FAM107A: variants seen among roughly 807,000 people sequenced by gnomAD.
The protein encoded by FAM107A is family with sequence similarity 107 member A.
FAM107A carries 19 observed loss-of-function variants against 13.7 expected under a neutral mutation model. That is an observed-to-expected ratio of 1.38 (90% confidence interval 0.97 to 2.03). FAM107A has a LOEUF of 2.03. Among genes scored for constraint, FAM107A ranks in the 30% most tolerant of loss-of-function variants. The pLI, the probability that FAM107A is intolerant of heterozygous loss-of-function variation, is 0.00. For missense variants in FAM107A, 203 were observed against 184.4 expected (o/e 1.10, Z -0.58); for synonymous variants, 82 against 74.5 (o/e 1.10, Z -0.52).
At position 58,569,856 on chromosome 3, in the gene FAM107A, T is replaced by C; in HGVS notation, c.5A>G (p.Tyr2Cys). Residue 2 changes from tyrosine to cysteine, a missense_variant, in exon 2 of 4, where the codon TAC (tyrosine) becomes TGC (cysteine). Transcript: ENST00000360997. This position sits in a 1 kb window ranked among gnomAD's most constrained non-coding sequence, Gnocchi z 5.7. ...TGCCCGCTCCCTCTGGATCTCCGAG[T>C]ACATGGCGGCTGTAGAGATGGGCAG... is the stretch of plus-strand genomic sequence containing the variant. Reference protein sequence around the residue: MYSEIQRERADI... With the variant: MCSEIQRERADI... The C allele has an allele frequency of 6.2e-7, 1 of 1,613,824 alleles. No individual in the cohort carries two copies. Among genetic ancestry groups the C allele is most frequent in the Non-Finnish European group, 8.5e-7 (1 of 1,179,916 alleles).
intron 1 of FAM107A, among the ~76,000 whole-genome samples, chr3:58,626,135 G>T (rs894435712): frequency 1.3e-5 from 2 of 152,196 alleles, no homozygotes; most frequent in African/African-American, 4.8e-5. Context: ...GGCAGTACCG[G>T]GTCGTTGTGG....
chr3:58,603,499 G>C (rs1196033175), intron 1 of FAM107A, among the ~76,000 whole-genome samples: 1 of 152,194 alleles, frequency 6.6e-6, no homozygotes, highest in Non-Finnish European at 1.5e-5. Context: ...AGGGAGGAAA[G>C]CAGGATGGAG....
Position 58,569,564 on chromosome 3 carries a change from C to A in FAM107A, c.170+127G>T. ...TTTTGCCGGTGATCATGTGGGGCAC[C>A]TCAGCCTTCCTCAGTCTCCAGGAGC... On this transcript the variant is annotated intron_variant, in intron 2 of 3. Coordinates refer to ENST00000360997, the MANE Select transcript of FAM107A (RefSeq NM_001076778.3). This position sits in a 1 kb window ranked among gnomAD's most constrained non-coding sequence, Gnocchi z 5.7. The A allele has an allele frequency of 1.3e-6, 1 of 784,004 alleles. No homozygotes were observed. Among genetic ancestry groups the A allele is most frequent in the East Asian group, 2.5e-5 (1 of 39,598 alleles). The allele number at this position is 784,004 out of a possible 1,614,324, so 48.6% of individuals were successfully genotyped here. A position where few individuals can be genotyped will look rare whatever the true frequency, so the allele number is the denominator to read the frequency against.
chr3:58,577,721 C>A, upstream of FAM107A: 1 of 985,286 alleles, frequency 1.0e-6, no homozygotes. The surrounding 1 kb of genome is among the most constrained non-coding windows in gnomAD (Gnocchi z 4.9). Flanking sequence ...AGAGTGGATT[C>A]CAGCACTTCC....
chr3:58,591,613 G>A (rs796761029), upstream of FAM107A, among the ~76,000 whole-genome samples: 21 of 152,254 alleles, frequency 1.4e-4, no homozygotes, highest in African/African-American at 4.6e-4. The surrounding 1 kb of genome is among the most constrained non-coding windows in gnomAD (Gnocchi z 4.3). Context: ...GGAAGCTCCC[G>A]CATTCTGCCT....
At position 58,564,776 on chromosome 3, in the gene FAM107A, C is replaced by A. The variant is rs112269600; in HGVS notation, c.*1812G>T. On this transcript the variant is annotated 3_prime_UTR_variant, in exon 4 of 4. Coordinates refer to ENST00000360997, the MANE Select transcript of FAM107A (RefSeq NM_001076778.3). This position sits in a 1 kb window ranked among gnomAD's most constrained non-coding sequence, Gnocchi z 5.6. ...TAGGGATTGTGCATCTTCAGTGTAACCCTCACCTGGCAGACATTAAACAGC... is the reference window on the plus strand; with the variant it reads ...TAGGGATTGTGCATCTTCAGTGTAAACCTCACCTGGCAGACATTAAACAGC... The A allele has an allele frequency of 5.5e-3, 841 of 152,396 alleles. 4 individuals carry two copies. The highest frequency in any genetic ancestry group is 0.014 in the Admixed American group (212 of 15,306). The allele number at this position is 152,396 out of a possible 1,614,324, so 9.4% of individuals were successfully genotyped here.
At chr3:58,614,507 T>C (rs2065882968) in intron 1 of FAM107A, among the ~76,000 whole-genome samples, 1 of 99,990 alleles carries the variant, frequency 1.0e-5, no homozygotes, top group Non-Finnish European at 1.9e-5. Context: ...TCTTTCTTTC[T>C]TTTTTTTTTT....
intron 1 of FAM107A, among the ~76,000 whole-genome samples, chr3:58,598,203 C>T (rs1436521717): frequency 1.3e-5 from 2 of 152,182 alleles, no homozygotes; most frequent in Non-Finnish European, 2.9e-5. Context: ...TCTTTTCCAT[C>T]CCCAGGGATG....
chr3:58,571,972 A>AT (rs1171061788), intron 1 of FAM107A, among the ~76,000 whole-genome samples: 1 of 152,206 alleles, frequency 6.6e-6, no homozygotes. Context: ...AAGTTGGATA[A>AT]CTTTAGGAAA....
At chr3:58,592,551 G>A (rs942057089) in intron 1 of FAM107A, among the ~76,000 whole-genome samples, 2 of 152,082 alleles carry the variant, frequency 1.3e-5, no homozygotes, top group East Asian at 1.9e-4. Flanking sequence ...ATAATTCCTC[G>A]GTTTGGCCTT....
chr3:58,621,092 A>C (rs2065950623), intron 1 of FAM107A, among the ~76,000 whole-genome samples: 1 of 152,146 alleles, frequency 6.6e-6, no homozygotes, highest in Admixed American at 6.5e-5. Context: ...GGAGGACAGT[A>C]TATTTACCAG....
chr3:58,618,905 TTCTC>T (rs201987315), intron 1 of FAM107A, among the ~76,000 whole-genome samples: 1 of 152,356 alleles, frequency 6.6e-6, no homozygotes, highest in East Asian at 1.9e-4. Context: ...GTCTCTGTCT[TTCTC>T]TCTTATCTCT....
intron 1 of FAM107A, among the ~76,000 whole-genome samples, chr3:58,598,964 G>A (rs1380612741): frequency 2.6e-5 from 4 of 151,464 alleles, no homozygotes; most frequent in South Asian, 2.1e-4. Context: ...TTTTTGAGAC[G>A]GAGTTTTGCT....
At chr3:58,587,144 G>A (rs2065616697), upstream of FAM107A, 19 of 1,346,284 alleles carry the variant, frequency 1.4e-5, no homozygotes, top group African/African-American at 1.1e-4. Context: ...GCAGGTGTCC[G>A]CGCCCAGGTA....
chr3:58,605,886 T>G (rs902249551), intron 1 of FAM107A, among the ~76,000 whole-genome samples: 9 of 152,316 alleles, frequency 5.9e-5, no homozygotes, highest in Admixed American at 5.9e-4. Context: ...GTCCATGCTT[T>G]CTCTTTGTGT....
intron 1 of FAM107A, among the ~76,000 whole-genome samples, chr3:58,615,289 T>C (rs1353096604): frequency 1.3e-5 from 2 of 152,274 alleles, no homozygotes; most frequent in Admixed American, 1.3e-4. Flanking sequence ...GGATTGTTTC[T>C]GTTGTTCTTT....
intron 1 of FAM107A, among the ~76,000 whole-genome samples, chr3:58,624,780 C>T (rs2065995541): frequency 6.6e-6 from 1 of 152,244 alleles, no homozygotes; most frequent in African/African-American, 2.4e-5. Flanking sequence ...TGTGTTTTGA[C>T]TCCTGGCCCA....
chr3:58,579,336 G>A (rs555930722), upstream of FAM107A, among the ~76,000 whole-genome samples: 268 of 152,224 alleles, frequency 1.8e-3, 2 homozygotes, highest in African/African-American at 6.1e-3. Flanking sequence ...TCTTGGCCAC[G>A]CTGACCATTC....
rs937474410 is a variant in FAM107A, at chr3:58,619,490, C to T, written c.-70+7926G>A. 3.3e-5 allele frequency among the ~76,000 whole-genome samples: 5 copies of T among 152,186 alleles called. No homozygotes were observed. In the East Asian group the frequency reaches 5.8e-4, roughly 18 times the overall value. ...AGTTCTTTCAGTTCCTGGGACATGCCGCAGCCTCTCATACCTCCAGGCCTT... is the reference window on the plus strand; with the variant it reads ...AGTTCTTTCAGTTCCTGGGACATGCTGCAGCCTCTCATACCTCCAGGCCTT... On this transcript the variant is annotated intron_variant, in intron 1 of 3. Coordinates refer to the FAM107A transcript ENST00000465970.
Sources: gnomAD v4.1 joint callset for allele counts (sites outside exome capture counted in the v4.1 genomes callset) on GRCh38, gnomAD v4.1.1 for gene constraint, Gnocchi (gnomAD v3.1) non-coding constraint, MANE v1.5 for transcripts, NCBI Gene and HGNC (gene_info 2026-07-23, HGNC 2026-07-21) for gene names.